SYCP2: variants seen among roughly 807,000 people sequenced by gnomAD.
SYCP2 encodes synaptonemal complex lateral element protein.
A neutral mutation model predicts 211.3 loss-of-function variants in SYCP2; 55 were observed. The ratio of observed to expected loss-of-function variants is 0.26; its 90% CI spans 0.21 to 0.33. The LOEUF (loss-of-function observed/expected upper bound fraction) is 0.33. SYCP2 is among the 10% of genes least tolerant of loss of function. The pLI, the probability that SYCP2 is intolerant of heterozygous loss-of-function variation, is 1.00. For missense variants in SYCP2, 1,731 were observed against 1,752.0 expected, an observed-to-expected ratio of 0.99 and a Z score of 0.21; for synonymous variants, 570 against 555.2, an observed-to-expected ratio of 1.03 and a Z score of -0.37.
At chr20:59,911,956 A>T in intron 13 of SYCP2, 111 bp from the exon 14 acceptor site, 1 of 472,254 alleles carries the variant, frequency 2.1e-6, no homozygotes. Context: ...AAGGAGAGAG[A>T]AGAGAAAGAA....
chr20:59,914,883 CTAT>C (rs1282075516), intron 10 of SYCP2, among the ~76,000 whole-genome samples: 1 of 151,778 alleles, frequency 6.6e-6, no homozygotes, highest in Admixed American at 6.6e-5. Flanking sequence ...ATTAATTAAG[CTAT>C]TATATTAAGC....
At chr20:59,883,671 GATA>G (rs1476163420) in intron 26 of SYCP2, among the ~76,000 whole-genome samples, 1 of 151,606 alleles carries the variant, frequency 6.6e-6, no homozygotes, top group Non-Finnish European at 1.5e-5. Flanking sequence ...ATAGACATAA[GATA>G]ATAAAACAGT....
Position 59,866,384 on chromosome 20 carries a change from T to A in SYCP2, c.4229A>T (p.Lys1410Ile), listed in dbSNP as rs1176510399. ...GATAATGAATTGGAATTTATCAAGT[T>A]TTTTAATCCTATTACAGAAACAAAA... The part of the protein sequence containing the change: ...NHQSQDSRIK[K>I]LDKFQFIIIE... The change falls in exon 41 of 45, where the codon AAA becomes ATA. Residue 1410 changes from lysine to isoleucine, a missense_variant. Lys to Ile is a moderately radical substitution (Grantham distance 102). This residue lies in a region of SYCP2 where 1,387 missense variants were observed against 1,351.3 expected (regional missense o/e 1.03). Transcript: ENST00000357552. 3.8e-6 allele frequency: 6 copies of A among 1,584,630 alleles called. No homozygotes were observed. The African/African-American group carries it at 6.8e-5, about 18-fold the overall frequency.
chr20:59,932,358 G>A (rs1454074813), intron 1 of SYCP2, among the ~76,000 whole-genome samples: 1 of 151,940 alleles, frequency 6.6e-6, no homozygotes, highest in Non-Finnish European at 1.5e-5. Flanking sequence ...GGGGAGGGAA[G>A]GCGTCCTCCT....
intron 2 of SYCP2, among the ~76,000 whole-genome samples, chr20:59,924,150 G>A (rs1204483766): frequency 6.6e-6 from 1 of 151,762 alleles, no homozygotes; most frequent in Admixed American, 6.6e-5. Flanking sequence ...ATTAAGGAGG[G>A]GAAGTTAAAA....
In SYCP2 at chr20:59,893,592, T is replaced by C. The variant is rs759407499; in HGVS notation, c.1667A>G (p.His556Arg). ...GRHRRDNIDKHIKTAKCVENT... is the reference protein window; with the variant it reads ...GRHRRDNIDKRIKTAKCVENT... ...TTCTACACACTTAGCAGTTTTGATA[T>C]GCTGTAAACACAGGAAACAGGTTAA... The change falls in exon 21 of 45, where the codon CAT becomes CGT. Residue 556 changes from histidine (H) to arginine (R), a missense_variant and splice_region_variant. This residue lies in a region of SYCP2 where 1,387 missense variants were observed against 1,351.3 expected (regional missense o/e 1.03). Coordinates refer to ENST00000357552, the MANE Select transcript of SYCP2 (RefSeq NM_014258.4). 30 of 1,605,636 alleles carry C rather than the reference T, an allele frequency of 1.9e-5. 1 individual carries two copies. The South Asian group carries it at 3.0e-4, about 16-fold the overall frequency.
chr20:59,916,393 T>G (rs535725196), intron 8 of SYCP2, 93 bp downstream of exon 8: 3 of 706,832 alleles, frequency 4.2e-6, no homozygotes, highest in East Asian at 5.4e-5. Context: ...CTAAGTAATT[T>G]TGTCCTACAT....
intron 2 of SYCP2, among the ~76,000 whole-genome samples, chr20:59,927,859 G>C (rs2060662499): frequency 6.6e-6 from 1 of 152,118 alleles, no homozygotes; most frequent in Non-Finnish European, 1.5e-5. Flanking sequence ...GTTTCATGTT[G>C]TTTTCAGTTT....
intron 35 of SYCP2, among the ~76,000 whole-genome samples, chr20:59,872,763 C>T (rs1156896982): frequency 6.6e-6 from 1 of 151,996 alleles, no homozygotes; most frequent in Non-Finnish European, 1.5e-5. Flanking sequence ...GAACTACACA[C>T]ATTTTCTAGA....
chr20:59,918,709 C>A (rs1260625568), intron 7 of SYCP2, among the ~76,000 whole-genome samples: 4 of 152,144 alleles, frequency 2.6e-5, no homozygotes, highest in Non-Finnish European at 4.4e-5. Flanking sequence ...AAGCCATTTT[C>A]TAATGTGACA....
chr20:59,924,799 A>G (rs558040956), intron 2 of SYCP2, among the ~76,000 whole-genome samples: 2 of 152,026 alleles, frequency 1.3e-5, no homozygotes, highest in South Asian at 4.1e-4. Context: ...ATTTACCATA[A>G]AAGTCCAACA....
intron 31 of SYCP2, among the ~76,000 whole-genome samples, chr20:59,879,876 C>T (rs1160770002): frequency 1.4e-5 from 2 of 143,578 alleles, no homozygotes; most frequent in Admixed American, 1.4e-4. Context: ...CACACACACA[C>T]ACAAACATAT....
At chr20:59,868,799 A>C (rs531986433) in intron 37 of SYCP2, 36 bp downstream of exon 37, 2 of 1,514,778 alleles carry the variant, frequency 1.3e-6, no homozygotes, top group East Asian at 2.3e-5. Flanking sequence ...GCATTTCAGT[A>C]ATCATTTTTT....
chr20:59,918,180 T>C (rs192012868), intron 7 of SYCP2, among the ~76,000 whole-genome samples: 118 of 152,340 alleles, frequency 7.7e-4, no homozygotes, highest in Non-Finnish European at 1.3e-3. Context: ...TCAACCTTTA[T>C]TGCTGAATAC....
Position 59,885,963 on chromosome 20 carries a change from C to A in SYCP2, c.2494G>T (p.Gly832Cys), listed in dbSNP as rs748803345. Residue 832 changes from glycine to cysteine, a missense_variant and splice_region_variant, in exon 26 of 45, where the codon GGT (glycine) becomes TGT (cysteine). This residue lies in a region of SYCP2 where 1,387 missense variants were observed against 1,351.3 expected (regional missense o/e 1.03). Transcript: ENST00000357552. ...TGTACAACAGGTTTGTTTGAAAAAC[C>A]ACTGTAAAAAAAGATTTTGTCAAAA... ...RKLKESLINS[G>C]FSNKPVVQLS... is the part of the protein sequence containing the mutation. 1.9e-6 allele frequency: 3 copies of A among 1,596,896 alleles called. No homozygotes were observed. The highest frequency in any genetic ancestry group is 1.1e-5 in the South Asian group (1 of 87,984).
chr20:59,921,408 T>C lies in SYCP2; in HGVS notation c.70A>G (p.Lys24Glu), dbSNP rs2060538835. ...IDDALRKNDF[K>E]PLKTLLQIDI... ...ATTTGCAAAAGTGTTTTCAAAGGTT[T>C]GAAATCATTTTTTCTTAAAGCATCA... The change falls in exon 4 of 45, where the codon AAA becomes GAA. Residue 24 changes from lysine to glutamate, a missense_variant. Transcript: ENST00000357552. The C allele has an allele frequency of 1.2e-6, 2 of 1,605,518 alleles. No individual in the cohort carries two copies. The highest frequency in any genetic ancestry group is 1.7e-5 in the Admixed American group (1 of 59,014).
chr20:59,877,376 T>C lies in SYCP2; in HGVS notation c.3150+9A>G. 2 of 1,539,764 alleles carry C rather than the reference T, an allele frequency of 1.3e-6. No individual in the cohort carries two copies. The highest frequency in any genetic ancestry group is 1.7e-6 in the Non-Finnish European group (2 of 1,151,580). On this transcript the variant is annotated intron_variant, in intron 33 of 44. Coordinates refer to ENST00000357552, the MANE Select transcript of SYCP2 (RefSeq NM_014258.4). ...CTTTTAGAAATTAATCTGAACTGTA[T>C]CTATTTACCTTTACTGGTATGTTCT... is the stretch of plus-strand genomic sequence containing the variant.
intron 34 of SYCP2, among the ~76,000 whole-genome samples, chr20:59,874,339 G>A (rs780529969): frequency 2.0e-5 from 3 of 151,938 alleles, no homozygotes; most frequent in Non-Finnish European, 2.9e-5. Flanking sequence ...GAAATATAAG[G>A]ATCAACCTAA....
At position 59,918,846 on chromosome 20, in the gene SYCP2, CATT is replaced by C. The variant is rs1339910741; in HGVS notation, c.427+309_427+311del. ...TCTCTCGCAAAAAGAATGCAAGTTT[CATT>C]ATTAGTAGACCTATATTACAAAAAA... On this transcript the variant is annotated intron_variant, in intron 7 of 44. Transcript: ENST00000357552. Among the ~76,000 whole-genome samples, 7 of 152,202 alleles carry C rather than the reference CATT, an allele frequency of 4.6e-5. No individual in the cohort carries two copies. In the East Asian group the frequency reaches 1.2e-3, roughly 25 times the overall value.
Sources: gnomAD v4.1 joint callset for allele counts (sites outside exome capture counted in the v4.1 genomes callset) on GRCh38, gnomAD v4.1.1 for gene constraint, gnomAD v4.1.1 regional missense constraint, MANE v1.5 for transcripts, NCBI Gene and HGNC (gene_info 2026-07-23, HGNC 2026-07-21) for gene names.